Variants in RANBP2 observed in about 807,000 individuals in gnomAD.
RANBP2 encodes E3 SUMO-protein ligase RanBP2.
In RANBP2, 57 loss-of-function variants were observed where a neutral mutation model predicts 303.6. The observed-to-expected ratio is 0.19, with a 90% CI of 0.15 to 0.23. The LOEUF is 0.23. RANBP2 is among the 10% of genes least tolerant of loss of function. RANBP2 has a pLI of 1.00. For synonymous variants in RANBP2, 1,167 were observed against 1,301.5 expected, an observed-to-expected ratio of 0.90 and a Z score of 2.23; for missense variants, 3,138 against 3,780.8, an observed-to-expected ratio of 0.83 and a Z score of 4.46.
chr2:109,184,237 G>A, the RANBP2 span, among the ~76,000 whole-genome samples: 1 of 152,178 alleles, frequency 6.6e-6, no homozygotes, highest in South Asian at 2.1e-4. Context: ...AGTTCTGGGA[G>A]CTTCTTGGAT....
the RANBP2 span, among the ~76,000 whole-genome samples, chr2:108,948,682 T>A: frequency 6.6e-6 from 1 of 152,106 alleles, no homozygotes; most frequent in Admixed American, 6.5e-5. Context: ...TCCTGAGAAC[T>A]AACTCAATAT....
chr2:109,186,139 C>T, the RANBP2 span, among the ~76,000 whole-genome samples: 1 of 152,244 alleles, frequency 6.6e-6, no homozygotes, highest in Non-Finnish European at 1.5e-5. Flanking sequence ...CCTTGAAATG[C>T]TCCTTTTAAT....
chr2:109,604,404 A>AGGGGAGGGGCG, the RANBP2 span, among the ~76,000 whole-genome samples: 1 of 106,308 alleles, frequency 9.4e-6, no homozygotes, highest in Non-Finnish European at 2.1e-5. Context: ...CGGGGCGGGG[A>AGGGGAGGGGCG]GAAAAGAAAG....
At chr2:109,075,756 T>A in the RANBP2 span, among the ~76,000 whole-genome samples, 2 of 150,396 alleles carry the variant, frequency 1.3e-5, no homozygotes, top group African/African-American at 4.8e-5. Flanking sequence ...GCATGCAACC[T>A]ACCAAGACTT....
At chr2:108,786,178 T>G (rs1446283757), downstream of RANBP2, among the ~76,000 whole-genome samples, 1 of 152,064 alleles carries the variant, frequency 6.6e-6, no homozygotes, top group East Asian at 1.9e-4. Flanking sequence ...AACTATTCTT[T>G]TTAATACCCT....
the RANBP2 span, among the ~76,000 whole-genome samples, chr2:109,268,843 C>T: frequency 2.0e-5 from 3 of 152,120 alleles, no homozygotes; most frequent in African/African-American, 7.2e-5. Flanking sequence ...ATGAGGTTTG[C>T]CAGGTTGGGT....
chr2:109,482,515 G>C, the RANBP2 span, among the ~76,000 whole-genome samples: 1 of 152,128 alleles, frequency 6.6e-6, no homozygotes, highest in African/African-American at 2.4e-5. Context: ...TTTGTTTCAG[G>C]AGCTCCCTGA....
the RANBP2 span, among the ~76,000 whole-genome samples, chr2:109,234,243 G>T: frequency 6.6e-6 from 1 of 152,220 alleles, no homozygotes; most frequent in Non-Finnish European, 1.5e-5. Context: ...GAATGGACTA[G>T]ATTCTGAAAC....
chr2:109,525,311 C>T, the RANBP2 span, among the ~76,000 whole-genome samples: 22 of 152,046 alleles, frequency 1.4e-4, no homozygotes, highest in Non-Finnish European at 2.5e-4. Context: ...TGTGCCACCA[C>T]GCCCAGCTAA....
the RANBP2 span, among the ~76,000 whole-genome samples, chr2:109,487,308 G>A: frequency 6.6e-6 from 1 of 152,144 alleles, no homozygotes; most frequent in Non-Finnish European, 1.5e-5. Flanking sequence ...CTGTCCATTG[G>A]CTATTCTTTC....
At chr2:109,605,232 AG>A in the RANBP2 span, among the ~76,000 whole-genome samples, 5 of 152,136 alleles carry the variant, frequency 3.3e-5, no homozygotes, top group Non-Finnish European at 4.4e-5. Flanking sequence ...CCATATTACT[AG>A]TATGATCAGG....
At chr2:108,855,602 T>C in the RANBP2 span, among the ~76,000 whole-genome samples, 1 of 152,184 alleles carries the variant, frequency 6.6e-6, no homozygotes, top group Non-Finnish European at 1.5e-5. Context: ...AACCACAAAA[T>C]TAAGTACAGT....
the RANBP2 span, among the ~76,000 whole-genome samples, chr2:109,672,506 C>T: frequency 6.6e-6 from 1 of 152,140 alleles, no homozygotes. Flanking sequence ...AGGTTAATAA[C>T]CAAAAACAAG....
the RANBP2 span, among the ~76,000 whole-genome samples, chr2:109,636,993 C>T: frequency 6.6e-6 from 1 of 152,146 alleles, no homozygotes; most frequent in Non-Finnish European, 1.5e-5. Flanking sequence ...GCACCGGCAC[C>T]GGTCTCTGAG....
the RANBP2 span, among the ~76,000 whole-genome samples, chr2:109,006,118 C>G: frequency 2.6e-5 from 4 of 152,160 alleles, no homozygotes; most frequent in East Asian, 1.9e-4. Flanking sequence ...TGCGGGGGAA[C>G]AATGTGAACG....
the RANBP2 span, among the ~76,000 whole-genome samples, chr2:109,486,904 C>T: frequency 5.3e-5 from 8 of 152,308 alleles, no homozygotes; most frequent in East Asian, 1.4e-3. Flanking sequence ...GCAAACGAGA[C>T]GTTTTGTTCC....
the RANBP2 span, among the ~76,000 whole-genome samples, chr2:109,155,623 AT>A: frequency 6.6e-6 from 1 of 152,024 alleles, no homozygotes; most frequent in African/African-American, 2.4e-5. Context: ...TGATGACACA[AT>A]TTTGGCTATT....
At chr2:109,104,931 T>A in the RANBP2 span, among the ~76,000 whole-genome samples, 1 of 152,226 alleles carries the variant, frequency 6.6e-6, no homozygotes, top group Non-Finnish European at 1.5e-5. Context: ...GGAGGCACTG[T>A]CATGACCCCG....
the RANBP2 span, among the ~76,000 whole-genome samples, chr2:109,162,827 C>T: frequency 6.6e-6 from 1 of 152,158 alleles, no homozygotes; most frequent in Non-Finnish European, 1.5e-5. Flanking sequence ...ATGTTTAGCC[C>T]CTTGGCTGGG....
Sources: allele counts gnomAD v4.1 joint callset (sites outside exome capture counted in the v4.1 genomes callset), GRCh38; gene constraint gnomAD v4.1.1; transcripts MANE v1.5; gene names NCBI Gene and HGNC (gene_info 2026-07-23, HGNC 2026-07-21).